USP37: variants seen among roughly 807,000 people sequenced by gnomAD.
USP37 encodes the protein ubiquitin carboxyl-terminal hydrolase 37.
USP37 carries 27 observed loss-of-function variants against 124.0 expected under a neutral mutation model. The observed-to-expected ratio is 0.22, with a 90% CI of 0.16 to 0.30. The LOEUF is 0.30. Among genes scored for constraint, USP37 ranks in the 10% least tolerant of loss-of-function variants. The pLI, the probability that USP37 is intolerant of heterozygous loss-of-function variation, is 1.00. For missense variants in USP37, 889 were observed against 1,140.4 expected, an observed-to-expected ratio of 0.78 and a Z score of 3.17; for synonymous variants, 365 against 388.0, an observed-to-expected ratio of 0.94 and a Z score of 0.70.
At chr2:218,536,234 T>C (rs578098596) in intron 8 of USP37, among the ~76,000 whole-genome samples, 2 of 152,140 alleles carry the variant, frequency 1.3e-5, no homozygotes, top group African/African-American at 4.8e-5. Flanking sequence ...AAGTAGAGAG[T>C]GTCCATTCAA....
chr2:218,454,733 C>A lies in USP37; in HGVS notation c.*197G>T. The A allele has an allele frequency of 5.5e-6, 6 of 1,084,600 alleles. No homozygotes were observed. Among genetic ancestry groups the A allele is most frequent in the African/African-American group, 1.6e-5 (1 of 62,876 alleles). The allele number at this position is 1,084,600 out of a possible 1,614,324, so 67.2% of individuals were successfully genotyped here. A position where few individuals can be genotyped will look rare whatever the true frequency, so the allele number is the denominator to read the frequency against. On this transcript the variant is annotated 3_prime_UTR_variant, in exon 26 of 26. Transcript: ENST00000258399. ...AGGAGAAAAAGAGGATAATCAGCTA[C>A]GGATGTGAGACCAAAGTTTCCATAA...
Position 218,482,195 on chromosome 2 carries a change from C to T in USP37, c.1710G>A (p.Val570=). 1 of 1,613,704 alleles carries T rather than the reference C, an allele frequency of 6.2e-7. No homozygotes were observed. Among genetic ancestry groups the T allele is most frequent in the Non-Finnish European group, 8.5e-7 (1 of 1,179,762 alleles). Residue 570 remains valine (V), a synonymous_variant, in exon 17 of 26, where the codon GTG becomes GTA. Transcript: ENST00000258399. ...CAATCTTATTGTTAAGCGAGAGAGC[C>T]ACATTGAAGCTATATCGTTTCAAAT... ...ILHLKRYSFN[V]ALSLNNKIGQ...
chr2:218,494,141 AAAGC>A (rs1445479604), intron 14 of USP37, among the ~76,000 whole-genome samples: 5 of 152,252 alleles, frequency 3.3e-5, no homozygotes, highest in African/African-American at 1.2e-4. Context: ...GTCCTGAATG[AAAGC>A]AAGCAGTGTC....
Position 218,553,683 on chromosome 2 carries a change from T to C in USP37, c.198A>G (p.Gly66=), listed in dbSNP as rs1301112894. 1.2e-6 allele frequency: 2 copies of C among 1,613,470 alleles called. No homozygotes were observed. Among genetic ancestry groups the C allele is most frequent in the Admixed American group, 3.3e-5 (2 of 59,902 alleles). The change falls in exon 5 of 26, where the codon GGA becomes GGG. Residue 66 remains glycine (G), a synonymous_variant. Transcript: ENST00000258399. The part of the protein sequence containing the change: ...NIKNVVLRPS[G]AKQSRLMLTL... ...TTAACATTAGGCGGCTTTGTTTCGC[T>C]CCACTGGGTCGAAGCACCACATTTT...
intron 20 of USP37, 143 bp downstream of exon 20, chr2:218,474,487 G>A (rs1000832696): frequency 1.1e-5 from 14 of 1,227,022 alleles, no homozygotes; most frequent in African/African-American, 6.1e-5. Context: ...TCAGCCTCCC[G>A]AGTAGCTGGG....
At chr2:218,558,363 AT>A in intron 4 of USP37, 134 bp downstream of exon 4, 1 of 790,946 alleles carries the variant, frequency 1.3e-6, no homozygotes, top group East Asian at 2.7e-5. Context: ...ACATAAAAAT[AT>A]TAATGTCCTA....
chr2:218,528,840 A>AAG, intron 10 of USP37: 1 of 372,408 alleles, frequency 2.7e-6, no homozygotes, highest in Non-Finnish European at 4.6e-6. Context: ...AAAAAAAAAA[A>AAG]AGAGCTTATC....
chr2:218,520,088 C>T (rs148903634), intron 10 of USP37, among the ~76,000 whole-genome samples: 2,487 of 151,700 alleles, frequency 0.016, 64 homozygotes, highest in African/African-American at 0.056. Flanking sequence ...CAGGTGTGTG[C>T]CACCATGCCT....
At chr2:218,512,571 AGT>A (rs1201481801) in intron 10 of USP37, among the ~76,000 whole-genome samples, 1 of 152,170 alleles carries the variant, frequency 6.6e-6, no homozygotes, top group African/African-American at 2.4e-5. Context: ...ACATGGGAAA[AGT>A]GTATAAAAAT....
intron 2 of USP37, among the ~76,000 whole-genome samples, chr2:218,562,121 A>G (rs1478755850): frequency 6.6e-6 from 1 of 152,246 alleles, no homozygotes; most frequent in East Asian, 1.9e-4. Flanking sequence ...TTAGTTCATT[A>G]CCTGCTTTTG....
At chr2:218,557,950 A>AAAAAAAAAAAAAAAAAAAT (rs3074257) in intron 4 of USP37, among the ~76,000 whole-genome samples, 1 of 143,906 alleles carries the variant, frequency 6.9e-6, no homozygotes, top group Non-Finnish European at 1.5e-5. Context: ...AAAAAAAAAA[A>AAAAAAAAAAAAAAAAAAAT]GGTGAAAAGA....
At chr2:218,490,409 T>C (rs1170039003) in intron 14 of USP37, among the ~76,000 whole-genome samples, 2 of 152,210 alleles carry the variant, frequency 1.3e-5, no homozygotes, top group Non-Finnish European at 2.9e-5. Context: ...AGCAGAATGA[T>C]TTAGTTATCA....
Position 218,454,921 on chromosome 2 carries a change from G to A in USP37, c.*9C>T, listed in dbSNP as rs1689609192. On this transcript the variant is annotated 3_prime_UTR_variant, in exon 26 of 26. Coordinates refer to ENST00000258399, the MANE Select transcript of USP37 (RefSeq NM_020935.3). ...TGCAGTGCATGCTGCCAACCCAGGAGTTTGTTCCTCACAAGGCCTGACGGG... is the reference window on the plus strand; with the variant it reads ...TGCAGTGCATGCTGCCAACCCAGGAATTTGTTCCTCACAAGGCCTGACGGG... 3 of 1,613,778 alleles carry A rather than the reference G, an allele frequency of 1.9e-6. No individual in the cohort carries two copies. In the South Asian group the frequency reaches 3.3e-5, roughly 18 times the overall value.
At chr2:218,537,051 A>G (rs1243194589) in intron 8 of USP37, among the ~76,000 whole-genome samples, 1 of 152,220 alleles carries the variant, frequency 6.6e-6, no homozygotes, top group Non-Finnish European at 1.5e-5. Context: ...ATGACGTAAT[A>G]TAACTAAAAA....
chr2:218,463,681 G>C (rs531313816), intron 21 of USP37, among the ~76,000 whole-genome samples: 1 of 150,970 alleles, frequency 6.6e-6, no homozygotes, highest in African/African-American at 2.4e-5. Flanking sequence ...GACTACAGGC[G>C]CCCGCCACCA....
At chr2:218,520,611 C>CA in intron 10 of USP37, among the ~76,000 whole-genome samples, 1 of 152,162 alleles carries the variant, frequency 6.6e-6, no homozygotes, top group East Asian at 1.9e-4. Flanking sequence ...CACAGCCTCC[C>CA]AAAGTACTGG....
chr2:218,483,236 T>C (rs555316225), intron 16 of USP37, among the ~76,000 whole-genome samples: 12 of 152,284 alleles, frequency 7.9e-5, no homozygotes, highest in African/African-American at 2.6e-4. Flanking sequence ...AAAGGTAATA[T>C]GAGGCTACTC....
intron 11 of USP37, among the ~76,000 whole-genome samples, chr2:218,503,328 AAAT>A (rs748459616): frequency 2.6e-5 from 4 of 152,260 alleles, no homozygotes; most frequent in Non-Finnish European, 4.4e-5. Flanking sequence ...CAATAACACC[AAAT>A]AATACACTTT....
chr2:218,461,689 A>G (rs1224162526), intron 22 of USP37, among the ~76,000 whole-genome samples: 1 of 151,784 alleles, frequency 6.6e-6, no homozygotes, highest in Non-Finnish European at 1.5e-5. Context: ...ATATCACTGA[A>G]TGTTCAAAAG....
Sources: gnomAD v4.1 joint callset for allele counts (sites outside exome capture counted in the v4.1 genomes callset) on GRCh38, gnomAD v4.1.1 for gene constraint, MANE v1.5 for transcripts, NCBI Gene and HGNC (gene_info 2026-07-23, HGNC 2026-07-21) for gene names.